LIMS4: variants seen among roughly 807,000 people sequenced by gnomAD.
LIMS4 encodes the protein LIM and senescent cell antigen-like-containing domain protein 4.
chr2:110,365,237 A>G, the LIMS4 span, among the ~76,000 whole-genome samples: 1 of 149,312 alleles, frequency 6.7e-6, no homozygotes, highest in Non-Finnish European at 1.5e-5. Context: ...AATATATATT[A>G]TTCTCATCAC....
At chr2:110,424,758 G>C in the LIMS4 span, among the ~76,000 whole-genome samples, 2 of 144,124 alleles carry the variant, frequency 1.4e-5, no homozygotes, top group Non-Finnish European at 3.0e-5. Context: ...GGGACTTGGG[G>C]AACTTTTCTT....
chr2:110,371,629 A>G, the LIMS4 span, among the ~76,000 whole-genome samples: 2 of 137,554 alleles, frequency 1.5e-5, no homozygotes, highest in Non-Finnish European at 3.0e-5. Flanking sequence ...TCTCTTTAAA[A>G]TGCAAGTCTA....
chr2:110,361,390 ATC>A, the LIMS4 span: 2 of 725,318 alleles, frequency 2.8e-6, no homozygotes, highest in Non-Finnish European at 2.5e-6. Flanking sequence ...ATATGTACAC[ATC>A]TCTCTGCATG....
At chr2:110,453,547 TA>T (rs1324783783) in intron 5 of LIMS4, among the ~76,000 whole-genome samples, 3,825 of 132,478 alleles carry the variant, frequency 0.029, 14 homozygotes, top group African/African-American at 0.11. Context: ...AATATTTTTT[TA>T]ATTTTTTTTT....
At chr2:110,367,491 T>C in the LIMS4 span, among the ~76,000 whole-genome samples, 1 of 140,640 alleles carries the variant, frequency 7.1e-6, no homozygotes, top group South Asian at 2.2e-4. Context: ...GGGCTTCCTA[T>C]TCAATAAATG....
the LIMS4 span, among the ~76,000 whole-genome samples, chr2:110,407,571 C>G: frequency 1.6e-5 from 2 of 128,384 alleles, no homozygotes; most frequent in Admixed American, 7.9e-5. Context: ...TGATCTTAAT[C>G]TATTTATTGA....
At chr2:110,369,168 G>A in the LIMS4 span, among the ~76,000 whole-genome samples, 1 of 91,414 alleles carries the variant, frequency 1.1e-5, no homozygotes, top group African/African-American at 5.2e-5. Context: ...AGCTAAATAA[G>A]ATCTTTAAAC....
At chr2:110,443,064 CT>C (rs1397613608), downstream of LIMS4, among the ~76,000 whole-genome samples, 29 of 110,444 alleles carry the variant, frequency 2.6e-4, no homozygotes, top group African/African-American at 5.0e-4. Context: ...TTTTCTTTTT[CT>C]TTTTTTTTTT....
chr2:110,381,991 C>T, the LIMS4 span, among the ~76,000 whole-genome samples: 1 of 66,040 alleles, frequency 1.5e-5, no homozygotes, highest in African/African-American at 8.4e-5. Context: ...CACTTAAACC[C>T]GTGACGCAGA....
chr2:110,360,631 T>C, the LIMS4 span: 1 of 1,399,778 alleles, frequency 7.1e-7, no homozygotes, highest in South Asian at 1.2e-5. Flanking sequence ...GCTCATCCTT[T>C]TGGATTTGAT....
chr2:110,368,169 TAC>T, the LIMS4 span, among the ~76,000 whole-genome samples: 9 of 145,226 alleles, frequency 6.2e-5, no homozygotes, highest in Non-Finnish European at 1.2e-4. Context: ...TATGTACATA[TAC>T]ACACACATAA....
At chr2:110,411,764 T>G in the LIMS4 span, among the ~76,000 whole-genome samples, 27 of 83,274 alleles carry the variant, frequency 3.2e-4, no homozygotes, top group Non-Finnish European at 4.2e-4. Flanking sequence ...CCTTGCTGTT[T>G]TAAAATCTGC....
the LIMS4 span, among the ~76,000 whole-genome samples, chr2:110,425,561 A>G: frequency 7.1e-6 from 1 of 140,498 alleles, no homozygotes; most frequent in Admixed American, 7.0e-5. Context: ...AGTTGACTTT[A>G]AAATAGGGAG....
At chr2:110,381,939 T>C in the LIMS4 span, among the ~76,000 whole-genome samples, 24 of 40,438 alleles carry the variant, frequency 5.9e-4, no homozygotes, top group African/African-American at 4.0e-3. Flanking sequence ...TGGTGGTGCA[T>C]GCCTGTAGTC....
chr2:110,368,787 A>G, the LIMS4 span, among the ~76,000 whole-genome samples: 1 of 136,652 alleles, frequency 7.3e-6, no homozygotes, highest in Non-Finnish European at 1.5e-5. Context: ...ACCTGCACAT[A>G]CGGTGGCATG....
At chr2:110,375,972 TAA>T in the LIMS4 span, 3 of 83,510 alleles carry the variant, frequency 3.6e-5, no homozygotes, top group Non-Finnish European at 6.2e-5. Context: ...CCAAAAGTCC[TAA>T]GAGGATCTCA....
At chr2:110,382,083 A>T in the LIMS4 span, among the ~76,000 whole-genome samples, 40 of 95,238 alleles carry the variant, frequency 4.2e-4, no homozygotes, top group Admixed American at 7.6e-4. Flanking sequence ...AAAAAAAAAA[A>T]AAAAAAAAAA....
the LIMS4 span, among the ~76,000 whole-genome samples, chr2:110,378,943 A>T: frequency 6.8e-6 from 1 of 146,858 alleles, no homozygotes; most frequent in Non-Finnish European, 1.5e-5. Context: ...AATTTATAAA[A>T]TTGTGTGATT....
chr2:110,425,123 G>C, the LIMS4 span, among the ~76,000 whole-genome samples: 2 of 142,602 alleles, frequency 1.4e-5, no homozygotes, highest in Non-Finnish European at 3.0e-5. Flanking sequence ...CTTCATTCTC[G>C]AAGACCAGGA....
Sources: allele counts gnomAD v4.1 joint callset (sites outside exome capture counted in the v4.1 genomes callset), GRCh38; gene constraint gnomAD v4.1.1; transcripts MANE v1.5; gene names NCBI Gene and HGNC (gene_info 2026-07-23, HGNC 2026-07-21).